Variants in PPFIBP2 observed in about 807,000 individuals in gnomAD.
The protein encoded by PPFIBP2 is liprin-beta-2.
PPFIBP2 carries 118 observed loss-of-function variants against 118.3 expected under a neutral mutation model. The observed-to-expected ratio is 1.00, with a 90% CI of 0.86 to 1.16. PPFIBP2 has a LOEUF of 1.16. Ranked by LOEUF, PPFIBP2 falls within the 50% of genes most tolerant of loss-of-function variation. PPFIBP2 has a pLI of 0.00. For missense variants in PPFIBP2, 1,195 were observed against 1,073.1 expected (o/e 1.11, Z -1.59); for synonymous variants, 414 against 397.4 (o/e 1.04, Z -0.50).
chr11:7,557,804 C>T lies in PPFIBP2; in HGVS notation c.65-7749C>T, dbSNP rs1031393043. 2.6e-5 allele frequency among the ~76,000 whole-genome samples: 4 copies of T among 152,138 alleles called. No individual in the cohort carries two copies. In the East Asian group the frequency reaches 5.8e-4, roughly 22 times the overall value. The stretch of plus-strand genomic sequence containing the variant: ...ATATTTGTAGGTCTGGGATGGGATC[C>T]GAGACTGTATTTCTAATGAACTCTC... On this transcript the variant is annotated intron_variant, in intron 2 of 23. Transcript: ENST00000299492.
chr11:7,516,964 T>C (rs1269916368), intron 1 of PPFIBP2, among the ~76,000 whole-genome samples: 1 of 152,156 alleles, frequency 6.6e-6, no homozygotes, highest in East Asian at 1.9e-4. Context: ...CAATAACTAC[T>C]TCAGGCGTGA....
In PPFIBP2 at chr11:7,653,071, G is replaced by C. The variant is rs1854294612; in HGVS notation, c.2484G>C (p.Lys828Asn). Residue 828 changes from lysine (K) to asparagine (N), a missense_variant, in exon 24 of 24, where the codon AAG becomes AAC. By Grantham distance (94) the Lys-to-Asn change is moderately conservative. Coordinates refer to ENST00000299492, the MANE Select transcript of PPFIBP2 (RefSeq NM_003621.5). ...ACTTCGGAAACATAAGAAAAAAGAA[G>C]TTCGATGAATCGACGGACTACATTT... The part of the protein sequence containing the change: ...FSHFGNIRKK[K>N]FDESTDYICP... 6.2e-7 allele frequency: 1 copy of C among 1,613,382 alleles called. No individual in the cohort carries two copies. The highest frequency in any genetic ancestry group is 8.5e-7 in the Non-Finnish European group (1 of 1,179,456).
chr11:7,577,590 C>G (rs1304136004), intron 3 of PPFIBP2: 4 of 456,434 alleles, frequency 8.8e-6, no homozygotes, highest in Non-Finnish European at 1.8e-5. Context: ...GGGTGCCCAG[C>G]ATGGATGGGG....
At chr11:7,626,998 T>C (rs1033140544) in intron 8 of PPFIBP2, among the ~76,000 whole-genome samples, 1 of 152,210 alleles carries the variant, frequency 6.6e-6, no homozygotes, top group Admixed American at 6.5e-5. Flanking sequence ...CAAGGCCTGC[T>C]TGTAGAGGCT....
At chr11:7,610,155 T>C (rs1847889710) in intron 5 of PPFIBP2, 136 bp from the exon 6 acceptor site, 2 of 1,144,618 alleles carry the variant, frequency 1.7e-6, no homozygotes, top group Non-Finnish European at 2.5e-6. Context: ...AATAGGCCTG[T>C]GACTCTCATG....
chr11:7,529,932 C>T (rs1471364316), intron 1 of PPFIBP2, among the ~76,000 whole-genome samples: 1 of 152,212 alleles, frequency 6.6e-6, no homozygotes, highest in East Asian at 1.9e-4. Flanking sequence ...TAGAGAGACG[C>T]AGAAAACCTG....
In PPFIBP2 at chr11:7,610,073, A is replaced by G. The variant is rs373201522; in HGVS notation, c.487-218A>G. Among the ~76,000 whole-genome samples, 37 of 152,308 alleles carry G rather than the reference A, an allele frequency of 2.4e-4. No individual in the cohort carries two copies. The East Asian group carries it at 3.7e-3, about 15-fold the overall frequency. On this transcript the variant is annotated intron_variant, in intron 5 of 23. Transcript: ENST00000299492. Reference sequence around the variant, plus strand: ...TTGAGAAATGTAGCTCACCTTGTCTATCAAAGCACAGTGGGTGGTATTGGG... The same window carrying G: ...TTGAGAAATGTAGCTCACCTTGTCTGTCAAAGCACAGTGGGTGGTATTGGG...
the PPFIBP2 span, chr11:7,666,267 G>C: frequency 1.7e-6 from 1 of 600,690 alleles, no homozygotes; most frequent in Middle Eastern, 4.4e-4. Context: ...GCCCTTAAAA[G>C]CAGGCCATCC....
intron 6 of PPFIBP2, among the ~76,000 whole-genome samples, chr11:7,618,923 A>G (rs1221359553): frequency 7.3e-6 from 1 of 136,278 alleles, no homozygotes; most frequent in East Asian, 2.2e-4. Context: ...TTTAACGGGC[A>G]TCAGCATATG....
chr11:7,664,743 T>G, the PPFIBP2 span, among the ~76,000 whole-genome samples: 1 of 151,764 alleles, frequency 6.6e-6, no homozygotes, highest in Non-Finnish European at 1.5e-5. Context: ...GGGTCTCCCT[T>G]GAAAGCAGTG....
intron 7 of PPFIBP2, among the ~76,000 whole-genome samples, chr11:7,623,721 CAG>C (rs1276885524): frequency 6.6e-6 from 1 of 152,208 alleles, no homozygotes; most frequent in Non-Finnish European, 1.5e-5. Context: ...AGATTTCTAA[CAG>C]AGACGAGTGC....
chr11:7,650,863 T>A lies in PPFIBP2; in HGVS notation c.2145T>A (p.Val715=), dbSNP rs1443539272. The A allele has an allele frequency of 6.2e-7, 1 of 1,613,928 alleles. No homozygotes were observed. Among genetic ancestry groups the A allele is most frequent in the Admixed American group, 1.7e-5 (1 of 59,996 alleles). The change falls in exon 22 of 24, where the codon GTT becomes GTA. Residue 715 remains valine, a synonymous_variant. Transcript: ENST00000299492. ...ADESNLSPSE[V]VQWSNHRVME... ...AGAGTAACCTTTCTCCTTCAGAAGT[T>A]GTACAGTGGTCCAACCACAGGGTGA... is the stretch of plus-strand genomic sequence containing the variant.
intron 6 of PPFIBP2, chr11:7,617,191 GC>G: frequency 1.0e-6 from 1 of 985,402 alleles, no homozygotes; most frequent in Non-Finnish European, 1.2e-6. Flanking sequence ...ATTCAAGAGC[GC>G]CTGTTACTCA....
chr11:7,647,487 T>C (rs1328143882), intron 17 of PPFIBP2, among the ~76,000 whole-genome samples: 1 of 152,096 alleles, frequency 6.6e-6, no homozygotes, highest in Non-Finnish European at 1.5e-5. Flanking sequence ...ACCCCCGCAA[T>C]CCCCACACAT....
intron 1 of PPFIBP2, among the ~76,000 whole-genome samples, chr11:7,535,754 G>A (rs1851146066): frequency 6.6e-6 from 1 of 152,180 alleles, no homozygotes; most frequent in South Asian, 2.1e-4. Context: ...TCAGGTGAGA[G>A]GAGGTTCTCC....
chr11:7,665,183 G>A, the PPFIBP2 span: 4 of 481,940 alleles, frequency 8.3e-6, no homozygotes, highest in Non-Finnish European at 1.5e-5. Flanking sequence ...CAAGCAAGGA[G>A]GCCCCAGCAG....
At chr11:7,592,100 G>A (rs1369722187) in intron 3 of PPFIBP2, among the ~76,000 whole-genome samples, 1 of 152,136 alleles carries the variant, frequency 6.6e-6, no homozygotes, top group Admixed American at 6.5e-5. Flanking sequence ...GATTTCACTG[G>A]ACCAGCTCAG....
chr11:7,651,933 C>A, intron 23 of PPFIBP2, 89 bp downstream of exon 23: 1 of 1,228,476 alleles, frequency 8.1e-7, no homozygotes. Context: ...ACAGCCAGAG[C>A]AGCATGCGCA....
intron 5 of PPFIBP2, among the ~76,000 whole-genome samples, chr11:7,603,911 G>A (rs117444120): frequency 3.3e-5 from 5 of 152,272 alleles, no homozygotes; most frequent in East Asian, 3.9e-4. Context: ...ACAATTGGGA[G>A]CAGAAGCAGA....
Sources: allele counts gnomAD v4.1 joint callset (sites outside exome capture counted in the v4.1 genomes callset), GRCh38; gene constraint gnomAD v4.1.1; transcripts MANE v1.5; gene names NCBI Gene and HGNC (gene_info 2026-07-23, HGNC 2026-07-21).